The following SYT13 variants were observed in gnomAD, a reference collection of about 807,000 sequenced individuals.
The protein encoded by SYT13 is synaptotagmin 13, also known as synaptotagmin-13.
In SYT13, 21 loss-of-function variants were observed where a neutral mutation model predicts 38.6. That is an observed-to-expected ratio of 0.54 (90% CI 0.39 to 0.78). The LOEUF is 0.78. SYT13 is among the 30% of genes least tolerant of loss of function. SYT13 has a pLI of 0.00. For missense variants in SYT13, 495 were observed against 548.7 expected, an observed-to-expected ratio of 0.90 and a Z score of 0.98; for synonymous variants, 241 against 237.6, an observed-to-expected ratio of 1.01 and a Z score of -0.13.
chr11:45,281,262 C>T lies in SYT13; in HGVS notation c.183+4763G>A, dbSNP rs191545592. ...TATTTTGTAAAACCTTAGAACTAATCTACTAGAGTTCCACTGAAAGCCACT... is the reference window on the plus strand; with the variant it reads ...TATTTTGTAAAACCTTAGAACTAATTTACTAGAGTTCCACTGAAAGCCACT... On this transcript the variant is annotated intron_variant, in intron 1 of 5. Coordinates refer to ENST00000020926, the MANE Select transcript of SYT13 (RefSeq NM_020826.3). Among the ~76,000 whole-genome samples, 32 of 152,192 alleles carry T rather than the reference C, an allele frequency of 2.1e-4. No individual in the cohort carries two copies. In the East Asian group the frequency reaches 3.3e-3, roughly 16 times the overall value.
chr11:45,285,893 C>G (rs1259490516), intron 1 of SYT13, 132 bp downstream of exon 1: 1 of 1,231,952 alleles, frequency 8.1e-7, no homozygotes, highest in African/African-American at 1.5e-5. Context: ...TCCTCCAACG[C>G]GTCTGCTGTC....
rs915645636 is a variant in SYT13, at chr11:45,252,790, C to T, written c.545-68G>A. On this transcript the variant is annotated intron_variant, in intron 3 of 5. Coordinates refer to ENST00000020926, the MANE Select transcript of SYT13 (RefSeq NM_020826.3). This position sits in a 1 kb window ranked among gnomAD's most constrained non-coding sequence, Gnocchi z 4.3. ...ACAAGTGGAGGGGGCAGAAGCACGC[C>T]TTGCTTAGGGCTGTGGAATCCAGCT... 2 of 1,497,232 alleles carry T rather than the reference C, an allele frequency of 1.3e-6. No homozygotes were observed. Among genetic ancestry groups the T allele is most frequent in the Middle Eastern group, 3.7e-4 (2 of 5,448 alleles). The allele number at this position is 1,497,232 out of a possible 1,614,324, so 92.7% of individuals were successfully genotyped here. A position where few individuals can be genotyped will look rare whatever the true frequency, so the allele number is the denominator to read the frequency against.
At chr11:45,255,481 G>T (rs529704601) in intron 2 of SYT13, among the ~76,000 whole-genome samples, 185 bp downstream of exon 2, 81 of 152,342 alleles carry the variant, frequency 5.3e-4, no homozygotes, top group African/African-American at 1.8e-3. Flanking sequence ...GGGGAGAAGT[G>T]GTATGGCAAC....
intron 1 of SYT13, chr11:45,269,553 A>C (rs920639408): frequency 9.6e-7 from 1 of 1,045,966 alleles, no homozygotes; most frequent in Non-Finnish European, 1.3e-6. Flanking sequence ...TCTTCACGCA[A>C]CTATAGATAA....
chr11:45,276,230 C>T (rs1385663919), intron 1 of SYT13, among the ~76,000 whole-genome samples: 2 of 152,194 alleles, frequency 1.3e-5, no homozygotes, highest in East Asian at 3.8e-4. Flanking sequence ...GGCACATATA[C>T]ACCATGGAAT....
intron 1 of SYT13, among the ~76,000 whole-genome samples, chr11:45,281,138 G>A (rs1364264715): frequency 2.6e-5 from 4 of 151,962 alleles, no homozygotes; most frequent in Non-Finnish European, 4.4e-5. Context: ...AGAGGTTGCA[G>A]TCAGCTGAGA....
intron 1 of SYT13, among the ~76,000 whole-genome samples, chr11:45,284,232 G>A (rs1855108293): frequency 6.6e-6 from 1 of 152,210 alleles, no homozygotes; most frequent in African/African-American, 2.4e-5. Context: ...AGTGGGTGGA[G>A]AGGAGTGGCT....
At position 45,240,988 on chromosome 11, in the gene SYT13, T is replaced by G. The variant is rs1463439009; in HGVS notation, c.*3064A>C. ...TGATGCAAAGACTACTGAAATATTT[T>G]TATTTGGCAGTTTGACATCTCTGGA... is the stretch of plus-strand genomic sequence containing the variant. On this transcript the variant is annotated 3_prime_UTR_variant, in exon 6 of 6. Transcript: ENST00000020926. The G allele has an allele frequency of 6.6e-6, 1 of 152,260 alleles. No individual in the cohort carries two copies. The highest frequency in any genetic ancestry group is 1.5e-5 in the Non-Finnish European group (1 of 68,046). 9.4% of individuals were successfully genotyped at this position (152,260 alleles called of 1,614,324 possible).
At position 45,254,330 on chromosome 11, in the gene SYT13, G is replaced by A; in HGVS notation, c.484C>T (p.Leu162Phe). Residue 162 changes from leucine (L) to phenylalanine (F), a missense_variant, in exon 3 of 6, where the codon CTC (leucine) becomes TTC (phenylalanine). Transcript: ENST00000020926. The stretch of plus-strand genomic sequence containing the variant: ...CAGTCATAGTCCAGGCAGTAGTGGA[G>A]TTTGGGGGCCTGGTTCCAACTGGCA... ...KAASWNQAPK[L>F]HYCLDYDCQK... 6.2e-7 allele frequency: 1 copy of A among 1,613,842 alleles called. No homozygotes were observed. The highest frequency in any genetic ancestry group is 2.2e-5 in the East Asian group (1 of 44,858).
chr11:45,272,067 C>G (rs2135905981), intron 1 of SYT13, among the ~76,000 whole-genome samples: 1 of 152,186 alleles, frequency 6.6e-6, no homozygotes, highest in South Asian at 2.1e-4. Flanking sequence ...AAGCTGGGAA[C>G]CATCATTCTC....
At chr11:45,283,437 A>G (rs1049214286) in intron 1 of SYT13, among the ~76,000 whole-genome samples, 18 of 152,148 alleles carry the variant, frequency 1.2e-4, no homozygotes, top group African/African-American at 4.1e-4. Flanking sequence ...CTACTTGTCA[A>G]TAGGTGCCAT....
Position 45,243,895 on chromosome 11 carries a change from A to G in SYT13, c.*157T>C. ...TTCCATTTCCTGCTCTGTCTTGCTT[A>G]TTTCTAAGAAACAAGAGTATGATGA... On this transcript the variant is annotated 3_prime_UTR_variant, in exon 6 of 6. Transcript: ENST00000020926. The G allele has an allele frequency of 7.9e-6, 6 of 759,932 alleles. No individual in the cohort carries two copies. The South Asian group carries it at 9.0e-5, about 11-fold the overall frequency. 47.1% of individuals were successfully genotyped at this position (759,932 alleles called of 1,614,324 possible). A position where few individuals can be genotyped will look rare whatever the true frequency, so the allele number is the denominator to read the frequency against.
chr11:45,246,472 C>G lies in SYT13; in HGVS notation c.887G>C (p.Ser296Thr), dbSNP rs1434232153. Residue 296 changes from serine to threonine, a missense_variant, in exon 5 of 6, where the codon AGC (serine) becomes ACC (threonine). Coordinates refer to ENST00000020926, the MANE Select transcript of SYT13 (RefSeq NM_020826.3). The stretch of plus-strand genomic sequence containing the variant: ...GAGGCGGTTGGCAGCCGGGAGGTAG[C>G]TGATGGATAGTAGGACCTCTCCAGC... ...AGAGEVLLSI[S>T]YLPAANRLLV... 1 of 1,614,156 alleles carries G rather than the reference C, an allele frequency of 6.2e-7. No individual in the cohort carries two copies. The highest frequency in any genetic ancestry group is 1.7e-5 in the Admixed American group (1 of 60,022).
intron 3 of SYT13, among the ~76,000 whole-genome samples, chr11:45,253,653 C>A (rs1259531228): frequency 6.6e-6 from 1 of 152,200 alleles, no homozygotes; most frequent in East Asian, 1.9e-4. Context: ...TCCTGCCACC[C>A]TCAGGCCGCT....
At chr11:45,253,079 TTAAA>T (rs1160161763) in intron 3 of SYT13, among the ~76,000 whole-genome samples, 7 of 152,210 alleles carry the variant, frequency 4.6e-5, no homozygotes, top group African/African-American at 1.7e-4. Flanking sequence ...GTTCTGAACT[TTAAA>T]TAGTCACCAC....
At chr11:45,246,765 A>G (rs1854619275) in intron 4 of SYT13, among the ~76,000 whole-genome samples, 1 of 152,088 alleles carries the variant, frequency 6.6e-6, no homozygotes. Flanking sequence ...ATATACTCAA[A>G]TCCAACATAC....
At chr11:45,280,827 G>C (rs900974286) in intron 1 of SYT13, among the ~76,000 whole-genome samples, 1 of 152,214 alleles carries the variant, frequency 6.6e-6, no homozygotes, top group Non-Finnish European at 1.5e-5. Flanking sequence ...ACCAGACATT[G>C]TCAAGAATAC....
Position 45,243,901 on chromosome 11 carries a change from A to T in SYT13, c.*151T>A. Reference sequence around the variant, plus strand: ...TTCCTGCTCTGTCTTGCTTATTTCTAAGAAACAAGAGTATGATGAGAGAGC... The same window carrying T: ...TTCCTGCTCTGTCTTGCTTATTTCTTAGAAACAAGAGTATGATGAGAGAGC... On this transcript the variant is annotated 3_prime_UTR_variant, in exon 6 of 6. Transcript: ENST00000020926. 5.0e-6 allele frequency: 4 copies of T among 795,756 alleles called. No homozygotes were observed. The South Asian group carries it at 7.0e-5, about 14-fold the overall frequency. 49.3% of individuals were successfully genotyped at this position (795,756 alleles called of 1,614,324 possible).
Position 45,252,278 on chromosome 11 carries a change from A to T in SYT13, c.846+143T>A. 1 of 1,000,428 alleles carries T rather than the reference A, an allele frequency of 1.0e-6. No individual in the cohort carries two copies. Among genetic ancestry groups the T allele is most frequent in the Non-Finnish European group, 1.5e-6 (1 of 688,082 alleles). 62.0% of individuals were successfully genotyped at this position (1,000,428 alleles called of 1,614,324 possible). On this transcript the variant is annotated intron_variant, in intron 4 of 5. Transcript: ENST00000020926. The surrounding 1 kb of genome is among the most constrained non-coding windows in gnomAD (Gnocchi z 4.3). ...CTCCTCTAGCCCTCTGCCCCATTCAAGATTCCAACCTCCCTTCCAGCCCCA... is the reference window on the plus strand; with the variant it reads ...CTCCTCTAGCCCTCTGCCCCATTCATGATTCCAACCTCCCTTCCAGCCCCA...
Sources: allele counts gnomAD v4.1 joint callset (sites outside exome capture counted in the v4.1 genomes callset), GRCh38; gene constraint gnomAD v4.1.1; non-coding constraint Gnocchi (gnomAD v3.1); transcripts MANE v1.5; gene names NCBI Gene and HGNC (gene_info 2026-07-23, HGNC 2026-07-21).